LGSN: variants seen among roughly 807,000 people sequenced by gnomAD.
LGSN encodes lengsin.
In LGSN, 21 loss-of-function variants were observed where a neutral mutation model predicts 19.5. The observed-to-expected ratio is 1.07, with a 90% CI of 0.76 to 1.55. LGSN has a LOEUF of 1.55. LGSN is among the 40% of genes most tolerant of loss of function. LGSN has a pLI of 0.00. For missense variants in LGSN, 673 were observed against 608.5 expected, an observed-to-expected ratio of 1.11 and a Z score of -1.12; for synonymous variants, 257 against 215.6, an observed-to-expected ratio of 1.19 and a Z score of -1.68.
chr6:63,339,206 G>T, the LGSN span, among the ~76,000 whole-genome samples: 4 of 152,136 alleles, frequency 2.6e-5, no homozygotes, highest in Admixed American at 2.6e-4. Flanking sequence ...CTATAATGCA[G>T]ATTAAGTCTG....
At chr6:63,503,679 G>A in the LGSN span, among the ~76,000 whole-genome samples, 319 of 152,250 alleles carry the variant, frequency 2.1e-3, 3 homozygotes, top group Admixed American at 5.4e-3. Context: ...CTCTGGGAGG[G>A]CGAGGCTGGT....
the LGSN span, among the ~76,000 whole-genome samples, chr6:63,338,507 C>T: frequency 3.0e-3 from 450 of 152,212 alleles, 3 homozygotes; most frequent in African/African-American, 0.01. Context: ...TCATAACAGT[C>T]TCTGATGATC....
the LGSN span, among the ~76,000 whole-genome samples, chr6:63,480,901 A>C: frequency 6.7e-6 from 1 of 148,356 alleles, no homozygotes; most frequent in Non-Finnish European, 1.5e-5. Context: ...TGTGGAACCA[A>C]CCTAAGTGCC....
At chr6:63,496,247 T>C in the LGSN span, among the ~76,000 whole-genome samples, 3 of 152,236 alleles carry the variant, frequency 2.0e-5, no homozygotes, top group Non-Finnish European at 4.4e-5. Flanking sequence ...TTTATAAGGC[T>C]ATTTAACTCA....
chr6:63,357,570 C>T, the LGSN span, among the ~76,000 whole-genome samples: 1 of 152,202 alleles, frequency 6.6e-6, no homozygotes, highest in African/African-American at 2.4e-5. Flanking sequence ...ATTTGCATTT[C>T]TCTGATGGCC....
At chr6:63,441,679 C>T in the LGSN span, 1 of 465,814 alleles carries the variant, frequency 2.1e-6, no homozygotes, top group Non-Finnish European at 4.2e-6. Flanking sequence ...AGTATGATGC[C>T]CTCAAAGCAG....
At chr6:63,302,103 G>C (rs1562013916) in intron 1 of LGSN, among the ~76,000 whole-genome samples, 1 of 151,948 alleles carries the variant, frequency 6.6e-6, no homozygotes, top group Non-Finnish European at 1.5e-5. Context: ...AAATAAAATG[G>C]AAAGCATCAT....
chr6:63,546,038 T>C, the LGSN span, among the ~76,000 whole-genome samples: 108 of 152,224 alleles, frequency 7.1e-4, 2 homozygotes, highest in Middle Eastern at 0.017. Context: ...TATCCAAATA[T>C]ATGAAATCAG....
the LGSN span, among the ~76,000 whole-genome samples, chr6:63,330,061 C>T: frequency 2.9e-3 from 448 of 152,368 alleles, 2 homozygotes; most frequent in African/African-American, 0.01. Flanking sequence ...GCCCCAGGCA[C>T]CCTCAGTCCT....
chr6:63,312,776 C>A (rs747496125), intron 1 of LGSN, among the ~76,000 whole-genome samples: 1 of 152,004 alleles, frequency 6.6e-6, no homozygotes, highest in Non-Finnish European at 1.5e-5. Flanking sequence ...GAGAAGCGGG[C>A]GAAATGAGCA....
the LGSN span, among the ~76,000 whole-genome samples, chr6:63,380,330 TA>T: frequency 3.9e-5 from 6 of 152,222 alleles, no homozygotes. Flanking sequence ...GGCAGACATC[TA>T]AAAAATACAG....
the LGSN span, among the ~76,000 whole-genome samples, chr6:63,351,903 A>G: frequency 1.3e-5 from 2 of 152,230 alleles, no homozygotes; most frequent in Admixed American, 1.3e-4. Context: ...AGACTGATTT[A>G]CTGTTTCAAT....
At chr6:63,494,136 G>A in the LGSN span, among the ~76,000 whole-genome samples, 2 of 151,934 alleles carry the variant, frequency 1.3e-5, no homozygotes, top group African/African-American at 4.8e-5. Context: ...TTTTAGTAGA[G>A]ATGAGGTTTC....
chr6:63,451,096 G>GA, the LGSN span, among the ~76,000 whole-genome samples: 7 of 152,078 alleles, frequency 4.6e-5, no homozygotes, highest in South Asian at 2.1e-4. Context: ...ACAGCTAAAT[G>GA]AAAAAAAGAC....
the LGSN span, among the ~76,000 whole-genome samples, chr6:63,562,087 T>C: frequency 6.6e-6 from 1 of 152,210 alleles, no homozygotes; most frequent in East Asian, 1.9e-4. Context: ...TATTTAAATG[T>C]CAGTTATTAC....
the LGSN span, among the ~76,000 whole-genome samples, chr6:63,358,638 G>T: frequency 2.0e-5 from 3 of 152,268 alleles, no homozygotes; most frequent in East Asian, 1.9e-4. Context: ...CTGTTTGTCT[G>T]TTATTGGTGT....
At chr6:63,405,916 A>G in the LGSN span, among the ~76,000 whole-genome samples, 7 of 152,178 alleles carry the variant, frequency 4.6e-5, no homozygotes, top group East Asian at 1.2e-3. Context: ...AACAAAGATC[A>G]AAAGAGACAA....
At chr6:63,335,734 C>A in the LGSN span, among the ~76,000 whole-genome samples, 7 of 152,058 alleles carry the variant, frequency 4.6e-5, no homozygotes, top group Admixed American at 1.3e-4. Context: ...ATTAATATAG[C>A]CACTATGGAG....
the LGSN span, among the ~76,000 whole-genome samples, chr6:63,498,869 T>C: frequency 6.6e-6 from 1 of 152,056 alleles, no homozygotes; most frequent in East Asian, 1.9e-4. Context: ...CAAAGAGATG[T>C]AGAAAGCAAA....
Sources: gnomAD v4.1 joint callset for allele counts (sites outside exome capture counted in the v4.1 genomes callset) on GRCh38, gnomAD v4.1.1 for gene constraint, MANE v1.5 for transcripts, NCBI Gene and HGNC (gene_info 2026-07-23, HGNC 2026-07-21) for gene names.